Variants in NCF4 observed in about 807,000 individuals in gnomAD.
NCF4 encodes neutrophil cytosolic factor 4.
NCF4 carries 30 observed loss-of-function variants against 41.7 expected under a neutral mutation model. That is an observed-to-expected ratio of 0.72 (90% CI 0.54 to 0.97). The LOEUF (loss-of-function observed/expected upper bound fraction) is 0.97. NCF4 is among the 50% of genes least tolerant of loss of function. The probability of loss-of-function intolerance (pLI) is 0.00; values close to 1 mark genes in which losing one functional copy is unlikely to be tolerated. For missense variants in NCF4, 432 were observed against 460.9 expected (o/e 0.94, Z 0.57); for synonymous variants, 195 against 175.8 (o/e 1.11, Z -0.87).
chr22:36,872,374 A>G lies in NCF4; in HGVS notation c.576A>G (p.Lys192=). 6.2e-7 allele frequency: 1 copy of G among 1,613,872 alleles called. No homozygotes were observed. The highest frequency in any genetic ancestry group is 8.5e-7 in the Non-Finnish European group (1 of 1,179,688). Residue 192 remains lysine, a synonymous_variant, in exon 7 of 10, where the codon AAA becomes AAG. Transcript: ENST00000248899. ...TGNSKLELNF[K]AGDVIFLLSR... is the part of the protein sequence containing the mutation. ...ACAGCAAACTGGAGCTGAATTTCAA[A>G]GCTGGAGATGTGATCTTCCTCCTCA...
At chr22:36,863,989 G>C (rs1039114452) in intron 1 of NCF4, 56 bp from the exon 2 acceptor site, 27 of 1,519,198 alleles carry the variant, frequency 1.8e-5, no homozygotes, top group Non-Finnish European at 2.0e-5. Flanking sequence ...TACCCGGTGG[G>C]CCCACAAAAC....
intron 2 of NCF4, 120 bp from the exon 3 acceptor site, chr22:36,864,799 C>T (rs1413923268): frequency 2.4e-6 from 3 of 1,241,232 alleles, no homozygotes; most frequent in Middle Eastern, 2.1e-4. Flanking sequence ...TCTCCAGAGA[C>T]CCTTCTGCAT....
chr22:36,872,255 G>C, intron 6 of NCF4, 72 bp from the exon 7 acceptor site: 1 of 1,191,440 alleles, frequency 8.4e-7, no homozygotes, highest in Non-Finnish European at 1.3e-6. Context: ...GGAGACTAAA[G>C]TATGTAAGGC....
At chr22:36,868,990 G>C (rs1411468914) in intron 4 of NCF4, among the ~76,000 whole-genome samples, 1 of 152,180 alleles carries the variant, frequency 6.6e-6, no homozygotes, top group Non-Finnish European at 1.5e-5. Context: ...CCCTCATGAA[G>C]AATGTGAATC....
intron 4 of NCF4, among the ~76,000 whole-genome samples, chr22:36,869,270 A>G (rs1266551465): frequency 6.6e-6 from 1 of 152,196 alleles, no homozygotes; most frequent in Non-Finnish European, 1.5e-5. Flanking sequence ...CACCTGGTAT[A>G]TGCCTGGTGT....
At position 36,865,702 on chromosome 22, in the gene NCF4, G is replaced by A. The variant is rs571101699; in HGVS notation, c.271+630G>A. On this transcript the variant is annotated intron_variant, in intron 3 of 9. Coordinates refer to ENST00000248899, the MANE Select transcript of NCF4 (RefSeq NM_000631.5). The surrounding 1 kb of genome is among the most constrained non-coding windows in gnomAD (Gnocchi z 4.3). ...ACCCCATCACGAATGGGTTACACGGGGGTGGTCTCAGCGGCGCCCTTCGTG... is the reference window on the plus strand; with the variant it reads ...ACCCCATCACGAATGGGTTACACGGAGGTGGTCTCAGCGGCGCCCTTCGTG... 6.6e-6 allele frequency among the ~76,000 whole-genome samples: 1 copy of A among 152,322 alleles called. No homozygotes were observed. The highest frequency in any genetic ancestry group is 6.5e-5 in the Admixed American group (1 of 15,302).
rs1390581384 is a variant in NCF4, at chr22:36,864,936, G to A, written c.135G>A (p.Val45=). ...FTSHFVFVIE[V]KTKGGSKYLI... is the part of the protein sequence containing the mutation. ...CTCCTTAGGTTTTCGTCATCGAGGT[G>A]AAGACAAAAGGAGGATCCAAGTACC... Residue 45 remains valine, a synonymous_variant, in exon 3 of 10, where the codon GTG becomes GTA. Transcript: ENST00000248899. 1 of 1,614,030 alleles carries A rather than the reference G, an allele frequency of 6.2e-7. No individual in the cohort carries two copies. The highest frequency in any genetic ancestry group is 1.1e-5 in the South Asian group (1 of 91,074).
At chr22:36,872,246 G>A (rs1165585405) in intron 6 of NCF4, 81 bp from the exon 7 acceptor site, 6 of 1,106,882 alleles carry the variant, frequency 5.4e-6, no homozygotes, top group Non-Finnish European at 8.4e-6. Context: ...TGTAAAATGG[G>A]AGACTAAAGT....
intron 7 of NCF4, among the ~76,000 whole-genome samples, chr22:36,874,636 G>A (rs1344668690): frequency 1.3e-5 from 2 of 152,216 alleles, no homozygotes; most frequent in East Asian, 3.8e-4. Context: ...TCAGGTTGAA[G>A]GTGGGGGCAG....
intron 2 of NCF4, 36 bp downstream of exon 2, chr22:36,864,165 C>T: frequency 6.5e-7 from 1 of 1,544,630 alleles, no homozygotes; most frequent in Non-Finnish European, 9.0e-7. Flanking sequence ...CCAACAACCT[C>T]TGAACTTCCA....
chr22:36,873,392 C>A (rs1338300921), intron 7 of NCF4, among the ~76,000 whole-genome samples: 1 of 146,898 alleles, frequency 6.8e-6, no homozygotes, highest in African/African-American at 2.5e-5. Context: ...GGTGAGAATG[C>A]AGGTAAGGTT....
rs1416739009 is a variant in NCF4, at chr22:36,865,708, T to C, written c.271+636T>C. Among the ~76,000 whole-genome samples, 2 of 152,082 alleles carry C rather than the reference T, an allele frequency of 1.3e-5. No homozygotes were observed. The highest frequency in any genetic ancestry group is 2.9e-5 in the Non-Finnish European group (2 of 68,024). On this transcript the variant is annotated intron_variant, in intron 3 of 9. Transcript: ENST00000248899. This position sits in a 1 kb window ranked among gnomAD's most constrained non-coding sequence, Gnocchi z 4.3. ...TCACGAATGGGTTACACGGGGGTGG[T>C]CTCAGCGGCGCCCTTCGTGCCCTGC... is the stretch of plus-strand genomic sequence containing the variant.
chr22:36,870,673 GATTT>G, intron 5 of NCF4, 131 bp downstream of exon 5: 1 of 1,275,380 alleles, frequency 7.8e-7, no homozygotes. Flanking sequence ...AGGATGATTT[GATTT>G]ATTAGATGGG....
intron 5 of NCF4, 33 bp downstream of exon 5, chr22:36,870,575 C>G (rs368531403): frequency 3.7e-5 from 60 of 1,606,988 alleles, no homozygotes; most frequent in Non-Finnish European, 4.9e-5. Context: ...TCCACATGGC[C>G]AGAGCCCTGG....
At position 36,870,459 on chromosome 22, in the gene NCF4, C is replaced by G; in HGVS notation, c.387C>G (p.Val129=). Residue 129 remains valine, a synonymous_variant, in exon 5 of 10, where the codon GTC becomes GTG. Coordinates refer to ENST00000248899, the MANE Select transcript of NCF4 (RefSeq NM_000631.5). ...LPVWVLMDED[V]RIFFYQSPYD... is the part of the protein sequence containing the mutation. The stretch of plus-strand genomic sequence containing the variant: ...TCTGGGTGCTGATGGATGAGGACGT[C>G]CGGATCTTCTTTTACCAGTCGCCCT... 6.2e-7 allele frequency: 1 copy of G among 1,613,998 alleles called. No individual in the cohort carries two copies. Among genetic ancestry groups the G allele is most frequent in the Non-Finnish European group, 8.5e-7 (1 of 1,180,032 alleles).
chr22:36,870,538 A>C lies in NCF4; in HGVS notation c.466A>C (p.Lys156Gln). 6.2e-7 allele frequency: 1 copy of C among 1,611,696 alleles called. No homozygotes were observed. The highest frequency in any genetic ancestry group is 8.5e-7 in the Non-Finnish European group (1 of 1,180,002). ...ALRRLRPRTR[K>Q]VKSVSPQGNS... ...CCGCCGGCTCCGCCCGCGCACCCGGAAAGTGTAAGTGACCAGCCCCTGGGC... is the reference window on the plus strand; with the variant it reads ...CCGCCGGCTCCGCCCGCGCACCCGGCAAGTGTAAGTGACCAGCCCCTGGGC... The change falls in exon 5 of 10, where the codon AAA (lysine) becomes CAA (glutamine). Residue 156 changes from lysine (K) to glutamine (Q), a missense_variant. By Grantham distance (53) the Lys-to-Gln change is moderately conservative. Coordinates refer to ENST00000248899, the MANE Select transcript of NCF4 (RefSeq NM_000631.5).
rs1939918304 is a variant in NCF4, at chr22:36,865,973, G to A, written c.271+901G>A. On this transcript the variant is annotated intron_variant, in intron 3 of 9. Coordinates refer to ENST00000248899, the MANE Select transcript of NCF4 (RefSeq NM_000631.5). The surrounding 1 kb of genome is among the most constrained non-coding windows in gnomAD (Gnocchi z 4.3). ...CATCATTTTCCCTCCTCTCTCTTTT[G>A]GGGCTCTCTCCTGACAATCTACCCC... Among the ~76,000 whole-genome samples the A allele has an allele frequency of 6.6e-6, 1 of 151,796 alleles. No individual in the cohort carries two copies. The highest frequency in any genetic ancestry group is 1.5e-5 in the Non-Finnish European group (1 of 67,982).
chr22:36,875,801 G>A lies in NCF4; in HGVS notation c.758+18G>A. 6.2e-7 allele frequency: 1 copy of A among 1,614,164 alleles called. No homozygotes were observed. Among genetic ancestry groups the A allele is most frequent in the South Asian group, 1.1e-5 (1 of 91,086 alleles). On this transcript the variant is annotated intron_variant, in intron 8 of 9. Transcript: ENST00000248899. Reference sequence around the variant, plus strand: ...ACCATCAAGTCTGTGGCCTGGGAGGGAGGGGCCTGTCCAGCCTTCCTGCCA... The same window carrying A: ...ACCATCAAGTCTGTGGCCTGGGAGGAAGGGGCCTGTCCAGCCTTCCTGCCA...
chr22:36,871,742 A>T, intron 6 of NCF4, 33 bp downstream of exon 6: 1 of 1,550,834 alleles, frequency 6.4e-7, no homozygotes, highest in Non-Finnish European at 8.7e-7. Context: ...CCAGGCTCTC[A>T]CACTGTGGGC....
Sources: gnomAD v4.1 joint callset for allele counts (sites outside exome capture counted in the v4.1 genomes callset) on GRCh38, gnomAD v4.1.1 for gene constraint, Gnocchi (gnomAD v3.1) non-coding constraint, MANE v1.5 for transcripts, NCBI Gene and HGNC (gene_info 2026-07-23, HGNC 2026-07-21) for gene names.